The following SPIRE2 variants were observed in gnomAD, a reference collection of about 807,000 sequenced individuals.
The protein encoded by SPIRE2 is spire type actin nucleation factor 2.
Under a neutral mutation model 80.7 loss-of-function variants are expected in SPIRE2, and 76 were observed. The ratio of observed to expected loss-of-function variants is 0.94; its 90% CI spans 0.78 to 1.14. The LOEUF (loss-of-function observed/expected upper bound fraction) is 1.14. Ranked by LOEUF, SPIRE2 falls within the 50% of genes most tolerant of loss-of-function variation. The pLI, the probability that SPIRE2 is intolerant of heterozygous loss-of-function variation, is 0.00. For missense variants in SPIRE2, 1,196 were observed against 1,015.3 expected, an observed-to-expected ratio of 1.18 and a Z score of -2.42; for synonymous variants, 535 against 432.6, an observed-to-expected ratio of 1.24 and a Z score of -2.94.
rs376312786 is a variant in SPIRE2 at position 89,850,300 on chromosome 16, G to A, written c.289-4G>A. The A allele has an allele frequency of 1.2e-5, 19 of 1,600,840 alleles. No individual in the cohort carries two copies. The highest frequency in any genetic ancestry group is 2.7e-5 in the African/African-American group (2 of 74,830). ...CGCCCAGTGACCGCGCCCCTGTCCC[G>A]CAGACCGTGCAGTCCCTCGGCTTCG... On this transcript the variant is annotated splice_region_variant and splice_polypyrimidine_tract_variant and intron_variant, in intron 2 of 14. Coordinates refer to ENST00000378247, the MANE Select transcript of SPIRE2 (RefSeq NM_032451.2).
chr16:89,830,171 T>C (rs969766540), intron 1 of SPIRE2, among the ~76,000 whole-genome samples: 6 of 151,208 alleles, frequency 4.0e-5, no homozygotes, highest in African/African-American at 1.5e-4. Context: ...GTTGGTGCTG[T>C]GCAAGGCGTC....
chr16:89,861,431 C>T (rs1393562683), intron 10 of SPIRE2, among the ~76,000 whole-genome samples: 1 of 152,192 alleles, frequency 6.6e-6, no homozygotes, highest in Non-Finnish European at 1.5e-5. Context: ...GAACTATGAG[C>T]CTTATATAAA....
chr16:89,841,065 T>A (rs2041501491), intron 1 of SPIRE2, among the ~76,000 whole-genome samples: 1 of 151,556 alleles, frequency 6.6e-6, no homozygotes, highest in African/African-American at 2.4e-5. Context: ...ACACCTGTAC[T>A]CCCAGCACTT....
chr16:89,838,786 T>C (rs1567669880), intron 1 of SPIRE2, among the ~76,000 whole-genome samples: 1 of 152,212 alleles, frequency 6.6e-6, no homozygotes, highest in Non-Finnish European at 1.5e-5. Flanking sequence ...AGCAGGCAGG[T>C]GGCTCTGTCT....
chr16:89,866,997 A>T (rs1034693297), intron 12 of SPIRE2, among the ~76,000 whole-genome samples: 1 of 152,190 alleles, frequency 6.6e-6, no homozygotes, highest in African/African-American at 2.4e-5. Flanking sequence ...TGAGCATCTC[A>T]GTTGAGGCCC....
chr16:89,869,778 C>CTA (rs1213555007), intron 14 of SPIRE2, 96 bp downstream of exon 14: 1 of 924,528 alleles, frequency 1.1e-6, no homozygotes, highest in African/African-American at 1.6e-5. Context: ...TGTCTGTTTG[C>CTA]TAGGACACCC....
At chr16:89,854,687 C>T in intron 5 of SPIRE2, 36 bp downstream of exon 5, 1 of 1,597,120 alleles carries the variant, frequency 6.3e-7, no homozygotes, top group Non-Finnish European at 8.5e-7. Flanking sequence ...AGCCTGGATG[C>T]AGAGGTCGTG....
chr16:89,831,760 TC>T (rs1260853664), intron 1 of SPIRE2, among the ~76,000 whole-genome samples: 5 of 151,116 alleles, frequency 3.3e-5, no homozygotes, highest in Non-Finnish European at 7.4e-5. Flanking sequence ...ACGTTGCTGG[TC>T]CTCCAGGTAT....
intron 3 of SPIRE2, among the ~76,000 whole-genome samples, chr16:89,851,268 C>T (rs2041625086): frequency 6.6e-6 from 1 of 152,194 alleles, no homozygotes; most frequent in African/African-American, 2.4e-5. Flanking sequence ...CGCCCTTCCT[C>T]CTGCCTCCCC....
intron 1 of SPIRE2, among the ~76,000 whole-genome samples, chr16:89,837,937 C>T (rs1436001091): frequency 1.3e-5 from 2 of 152,230 alleles, no homozygotes; most frequent in East Asian, 3.8e-4. Flanking sequence ...GCTAAACAAA[C>T]ACAGACTCCT....
At chr16:89,855,123 A>G (rs536263649) in intron 5 of SPIRE2, among the ~76,000 whole-genome samples, 5 of 152,242 alleles carry the variant, frequency 3.3e-5, no homozygotes, top group Admixed American at 3.3e-4. Flanking sequence ...TATTTTTAGT[A>G]GAGATGGGGT....
rs1382887321 is a variant in SPIRE2 at position 89,856,229 on chromosome 16, TGCCC to T, written c.1098_1101del (p.Arg367GlyfsTer53). 1 of 1,572,972 alleles carries T rather than the reference TGCCC, an allele frequency of 6.4e-7. No homozygotes were observed. Among genetic ancestry groups the T allele is most frequent in the South Asian group, 1.2e-5 (1 of 86,440 alleles). ...GCCCGGTGCGGGGCGAGGGCTGGGC[TGCCC>T]GCGGTGAGTGAGGGGATGGCAGGAG... On this transcript the variant is annotated frameshift_variant, in exon 7 of 15. Transcript: ENST00000378247. LOFTEE classifies it high-confidence loss of function.
intron 1 of SPIRE2, among the ~76,000 whole-genome samples, chr16:89,841,163 G>A (rs1469246178): frequency 6.7e-6 from 1 of 150,212 alleles, no homozygotes; most frequent in East Asian, 2.0e-4. Flanking sequence ...CAGCCTGGGT[G>A]ACAGAGCAAC....
chr16:89,851,871 G>A (rs1233424638), intron 3 of SPIRE2, among the ~76,000 whole-genome samples: 3 of 152,066 alleles, frequency 2.0e-5, no homozygotes, highest in African/African-American at 7.2e-5. Context: ...ATGGTGCTGT[G>A]TCTCTCCTGT....
In SPIRE2 at chr16:89,855,620, C is replaced by G; in HGVS notation, c.912C>G (p.Pro304=). Residue 304 remains proline, a synonymous_variant, in exon 6 of 15, where the codon CCC becomes CCG. Coordinates refer to ENST00000378247, the MANE Select transcript of SPIRE2 (RefSeq NM_032451.2). ...RKVMVDGDIP[P]RVKKDAHELI... ...CGCAGGTGGATGGGGACATCCCGCC[C>G]CGGGTGAAGAAGGACGCTCACGAGC... The G allele has an allele frequency of 6.2e-7, 1 of 1,612,806 alleles. No homozygotes were observed.
intron 1 of SPIRE2, among the ~76,000 whole-genome samples, chr16:89,834,005 C>T (rs1294327880): frequency 2.0e-5 from 3 of 152,200 alleles, no homozygotes; most frequent in Non-Finnish European, 4.4e-5. Context: ...TATAGTCTCA[C>T]CTCTGAGCAA....
rs1425955392 is a variant in SPIRE2 at position 89,836,359 on chromosome 16, C to G, written c.244+7565C>G. On this transcript the variant is annotated intron_variant, in intron 1 of 14. Coordinates refer to ENST00000378247, the MANE Select transcript of SPIRE2 (RefSeq NM_032451.2). ...GCTTTAGGGGCCGTGATTCTGCCGACTGCAGCGGACCGGGGGCCGAGAATC... is the reference window on the plus strand; with the variant it reads ...GCTTTAGGGGCCGTGATTCTGCCGAGTGCAGCGGACCGGGGGCCGAGAATC... The G allele has an allele frequency of 5.8e-5, 24 of 412,582 alleles. No individual in the cohort carries two copies. In the East Asian group the frequency reaches 1.5e-3, roughly 26 times the overall value. 25.6% of individuals were successfully genotyped at this position (412,582 alleles called of 1,614,324 possible).
At chr16:89,837,678 G>A (rs576838800) in intron 1 of SPIRE2, among the ~76,000 whole-genome samples, 4 of 151,572 alleles carry the variant, frequency 2.6e-5, no homozygotes, top group Admixed American at 1.3e-4. Flanking sequence ...CACGCCTCCC[G>A]GACTCGGGTC....
chr16:89,863,624 G>A lies in SPIRE2; in HGVS notation c.1710+14G>A. The A allele has an allele frequency of 6.2e-7, 1 of 1,614,074 alleles. No individual in the cohort carries two copies. The highest frequency in any genetic ancestry group is 8.5e-7 in the Non-Finnish European group (1 of 1,180,038). On this transcript the variant is annotated intron_variant, in intron 11 of 14. Transcript: ENST00000378247. This position sits in a 1 kb window ranked among gnomAD's most constrained non-coding sequence, Gnocchi z 4.3. ...AAGAAGGGGAAGGTGAGGCTGCCTA[G>A]ACGTGGGGCTACGCTCTTGCCCGCT... is the stretch of plus-strand genomic sequence containing the variant.
Sources: allele counts gnomAD v4.1 joint callset (sites outside exome capture counted in the v4.1 genomes callset), GRCh38; gene constraint gnomAD v4.1.1; non-coding constraint Gnocchi (gnomAD v3.1); transcripts MANE v1.5; gene names NCBI Gene and HGNC (gene_info 2026-07-23, HGNC 2026-07-21).